Variants in NRXN3 observed in about 807,000 individuals in gnomAD.
The protein encoded by NRXN3 is neurexin III.
A neutral mutation model predicts 137.6 loss-of-function variants in NRXN3; 32 were observed. The ratio of observed to expected loss-of-function variants is 0.23; its 90% CI spans 0.18 to 0.31. The LOEUF is 0.31. Ranked by LOEUF, NRXN3 falls within the 10% of genes least tolerant of loss-of-function variation. The pLI, the probability that NRXN3 is intolerant of heterozygous loss-of-function variation, is 1.00. For missense variants in NRXN3, 1,574 were observed against 2,062.5 expected (o/e 0.76, Z 4.59); for synonymous variants, 798 against 784.5 (o/e 1.02, Z -0.29).
At chr14:79,704,221 A>G (rs1469817315) in intron 19 of NRXN3, among the ~76,000 whole-genome samples, 1 of 152,158 alleles carries the variant, frequency 6.6e-6, no homozygotes, top group Non-Finnish European at 1.5e-5. Flanking sequence ...GCAATATCAC[A>G]TGGTTCTACG....
At chr14:79,567,508 AT>A (rs1472592118) in intron 16 of NRXN3, among the ~76,000 whole-genome samples, 1 of 151,900 alleles carries the variant, frequency 6.6e-6, no homozygotes, top group African/African-American at 2.4e-5. Flanking sequence ...AGTTTAGGTA[AT>A]TGCTAATTAC....
chr14:79,421,634 C>T (rs143606296), intron 15 of NRXN3, among the ~76,000 whole-genome samples: 6 of 152,198 alleles, frequency 3.9e-5, no homozygotes, highest in South Asian at 2.1e-4. Flanking sequence ...TATTAGGAGA[C>T]GTTGTCTAGC....
intron 19 of NRXN3, among the ~76,000 whole-genome samples, chr14:79,779,260 T>C (rs2099106605): frequency 6.6e-6 from 1 of 152,126 alleles, no homozygotes; most frequent in South Asian, 2.1e-4. Flanking sequence ...ATTACAAACA[T>C]GGGCCACCCA....
chr14:78,842,231 A>G (rs2099014587), intron 10 of NRXN3, among the ~76,000 whole-genome samples: 1 of 152,088 alleles, frequency 6.6e-6, no homozygotes. Flanking sequence ...TTCACCCCCA[A>G]TATTTCACAT....
At chr14:79,786,163 T>G (rs1480923380) in intron 19 of NRXN3, among the ~76,000 whole-genome samples, 1 of 152,184 alleles carries the variant, frequency 6.6e-6, no homozygotes, top group Non-Finnish European at 1.5e-5. Context: ...ATAACCAATG[T>G]GACAGCCACA....
chr14:78,403,802 C>G, intron 4 of NRXN3: 1 of 985,356 alleles, frequency 1.0e-6, no homozygotes, highest in Non-Finnish European at 1.2e-6. Context: ...TTGTTTCTGC[C>G]CCCTGAGGTT....
intron 4 of NRXN3, among the ~76,000 whole-genome samples, chr14:78,381,399 T>A (rs369247208): frequency 1.3e-5 from 2 of 152,180 alleles, no homozygotes; most frequent in African/African-American, 4.8e-5. Flanking sequence ...AGGATTATTA[T>A]CTAGAATATA....
chr14:79,769,509 T>C (rs937512183), intron 19 of NRXN3, among the ~76,000 whole-genome samples: 3 of 152,282 alleles, frequency 2.0e-5, no homozygotes, highest in Middle Eastern at 6.8e-3. Context: ...CAGAATCTCA[T>C]ATCCAGCCAA....
chr14:78,521,487 G>A (rs569005984), intron 4 of NRXN3, among the ~76,000 whole-genome samples: 6 of 152,214 alleles, frequency 3.9e-5, no homozygotes, highest in African/African-American at 1.2e-4. Flanking sequence ...CCCATGCTAT[G>A]CAGAAGTGCT....
chr14:79,524,272 A>T (rs2097097724), intron 16 of NRXN3, among the ~76,000 whole-genome samples: 1 of 152,172 alleles, frequency 6.6e-6, no homozygotes, highest in Non-Finnish European at 1.5e-5. Context: ...AATTTCTAAG[A>T]CAACCAGTGA....
chr14:79,016,381 T>C (rs1342188006), intron 15 of NRXN3, among the ~76,000 whole-genome samples: 1 of 152,222 alleles, frequency 6.6e-6, no homozygotes, highest in African/African-American at 2.4e-5. Flanking sequence ...AAAAGCATCT[T>C]GTGCAAGGGA....
chr14:78,539,281 T>A (rs2153818367), intron 4 of NRXN3, among the ~76,000 whole-genome samples: 1 of 152,322 alleles, frequency 6.6e-6, no homozygotes, highest in African/African-American at 2.4e-5. Flanking sequence ...AATTATTGCC[T>A]CAATTTCAGA....
intron 8 of NRXN3, among the ~76,000 whole-genome samples, chr14:78,732,604 A>G (rs887294144): frequency 2.6e-5 from 4 of 152,178 alleles, no homozygotes; most frequent in African/African-American, 9.6e-5. Flanking sequence ...TCAACTCATC[A>G]TATCTCTAGG....
intron 16 of NRXN3, among the ~76,000 whole-genome samples, chr14:79,575,022 T>C (rs1020614604): frequency 2.6e-5 from 4 of 152,186 alleles, no homozygotes; most frequent in Non-Finnish European, 4.4e-5. Context: ...TGTGTGTCTG[T>C]GAAATGTGCC....
At chr14:79,298,713 G>A (rs1293277849) in intron 15 of NRXN3, 2 of 152,006 alleles carry the variant, frequency 1.3e-5, no homozygotes, top group African/African-American at 4.8e-5. Flanking sequence ...TAAATAAAAT[G>A]AGTTTAAAAA....
intron 15 of NRXN3, among the ~76,000 whole-genome samples, chr14:79,044,342 T>C (rs1006000069): frequency 2.0e-5 from 3 of 152,230 alleles, no homozygotes; most frequent in Non-Finnish European, 4.4e-5. Context: ...TAAGGTGTCC[T>C]GAGTTTTGAG....
At chr14:78,341,927 C>T (rs1248492970) in intron 4 of NRXN3, among the ~76,000 whole-genome samples, 1 of 152,206 alleles carries the variant, frequency 6.6e-6, no homozygotes, top group Non-Finnish European at 1.5e-5. Flanking sequence ...CTAACTCACT[C>T]ATATGTTTGC....
At chr14:79,604,867 A>T (rs992943828) in intron 16 of NRXN3, among the ~76,000 whole-genome samples, 2 of 151,840 alleles carry the variant, frequency 1.3e-5, no homozygotes, top group Non-Finnish European at 2.9e-5. Flanking sequence ...ATCTGTCTCC[A>T]CTAAAAATAT....
intron 4 of NRXN3, among the ~76,000 whole-genome samples, chr14:78,478,934 C>T (rs1166144733): frequency 6.6e-6 from 1 of 152,126 alleles, no homozygotes; most frequent in Non-Finnish European, 1.5e-5. Flanking sequence ...CATCCTCCTT[C>T]AAGCTCTATG....
Sources: gnomAD v4.1 joint callset for allele counts (sites outside exome capture counted in the v4.1 genomes callset) on GRCh38, gnomAD v4.1.1 for gene constraint, MANE v1.5 for transcripts, NCBI Gene and HGNC (gene_info 2026-07-23, HGNC 2026-07-21) for gene names.